The following TYW1B variants were observed in gnomAD, a reference collection of about 807,000 sequenced individuals.
TYW1B encodes the protein tRNA-yW synthesizing protein 1 homolog B, also known as S-adenosyl-L-methionine-dependent tRNA 4-demethylwyosine synthase TYW1B.
TYW1B carries 73 observed loss-of-function variants against 86.9 expected under a neutral mutation model. The ratio of observed to expected loss-of-function variants is 0.84; its 90% CI spans 0.70 to 1.02. The LOEUF is 1.02. Ranked by LOEUF, TYW1B falls within the 50% of genes least tolerant of loss-of-function variation. The probability of loss-of-function intolerance (pLI) is 0.00; values close to 1 mark genes in which losing one functional copy is unlikely to be tolerated. For missense variants in TYW1B, 637 were observed against 827.4 expected, an observed-to-expected ratio of 0.77 and a Z score of 2.82; for synonymous variants, 248 against 292.8, an observed-to-expected ratio of 0.85 and a Z score of 1.56.
In TYW1B at chr7:72,757,696, G is replaced by A. The variant is rs140755055; in HGVS notation, c.965-13095C>T. ...AAGAAAGCCCTGACAAACAGAGCTG[G>A]GGAAGGGCATGAAGAGAGGGCTATC... is the stretch of plus-strand genomic sequence containing the variant. On this transcript the variant is annotated intron_variant, in intron 7 of 13. Transcript: ENST00000620995. Among the ~76,000 whole-genome samples the A allele has an allele frequency of 3.4e-3, 522 of 152,254 alleles. 1 individual carries two copies. In the Middle Eastern group the frequency reaches 0.041, roughly 12 times the overall value.
chr7:72,631,794 T>C (rs1286768055), intron 11 of TYW1B, among the ~76,000 whole-genome samples: 1 of 152,102 alleles, frequency 6.6e-6, no homozygotes, highest in African/African-American at 2.4e-5. Flanking sequence ...GAGTTAAATG[T>C]GCACACAGGG....
At chr7:72,628,560 T>C (rs2844130) in intron 12 of TYW1B, among the ~76,000 whole-genome samples, 52 of 152,142 alleles carry the variant, frequency 3.4e-4, no homozygotes, top group Non-Finnish European at 5.9e-4. Flanking sequence ...TATGTAAAAG[T>C]CAACCAATTA....
At position 72,574,989 on chromosome 7, in the gene TYW1B, C is replaced by T. The variant is rs1810986040; in HGVS notation, c.*509G>A. ...AAATAATTGAGAGTTGTGACAACTT[C>T]GATTCTTTTCAGGAGGTGCTGTCTT... On this transcript the variant is annotated 3_prime_UTR_variant, in exon 14 of 14. Coordinates refer to ENST00000620995, the MANE Select transcript of TYW1B (RefSeq NM_001145440.3). 1.3e-5 allele frequency: 13 copies of T among 987,882 alleles called. No individual in the cohort carries two copies. Among genetic ancestry groups the T allele is most frequent in the South Asian group, 4.7e-5 (1 of 21,484 alleles). The allele number at this position is 987,882 out of a possible 1,614,324, so 61.2% of individuals were successfully genotyped here.
intron 13 of TYW1B, among the ~76,000 whole-genome samples, chr7:72,610,464 T>C (rs1246756024): frequency 1.1e-4 from 17 of 151,964 alleles, no homozygotes; most frequent in Non-Finnish European, 1.9e-4. Context: ...CAGGGAGTCA[T>C]GCCTGAACCT....
At chr7:72,614,342 CAG>C (rs1812014121) in intron 13 of TYW1B, among the ~76,000 whole-genome samples, 1 of 152,010 alleles carries the variant, frequency 6.6e-6, no homozygotes, top group South Asian at 2.1e-4. Flanking sequence ...ATCCATAAGA[CAG>C]AGGTCAGACT....
At chr7:72,820,431 C>T (rs1788807014) in intron 2 of TYW1B, among the ~76,000 whole-genome samples, 1 of 152,134 alleles carries the variant, frequency 6.6e-6, no homozygotes, top group South Asian at 2.1e-4. Context: ...GAAGTGCTAA[C>T]TATGTAAAGG....
At chr7:72,623,636 T>C (rs1302882189) in intron 12 of TYW1B, among the ~76,000 whole-genome samples, 3 of 152,100 alleles carry the variant, frequency 2.0e-5, no homozygotes, top group Non-Finnish European at 4.4e-5. Flanking sequence ...CAAGAGTGTC[T>C]CCCTTACAGC....
rs114615896 is a variant in TYW1B at position 72,734,673 on chromosome 7, T to A, written c.1083-5742A>T. 5.3e-3 allele frequency among the ~76,000 whole-genome samples: 810 copies of A among 152,306 alleles called. 10 individuals are homozygous for A. The highest frequency in any genetic ancestry group is 0.017 in the African/African-American group (715 of 41,570). ...CAATCAACAGGGTGAAGAGACAACCTGCAGAATGACAGAAGATATTTCCAA... is the reference window on the plus strand; with the variant it reads ...CAATCAACAGGGTGAAGAGACAACCAGCAGAATGACAGAAGATATTTCCAA... On this transcript the variant is annotated intron_variant, in intron 8 of 13. Transcript: ENST00000620995.
chr7:72,824,182 C>T (rs1409247020), intron 2 of TYW1B, among the ~76,000 whole-genome samples: 9 of 151,968 alleles, frequency 5.9e-5, no homozygotes, highest in African/African-American at 2.2e-4. Flanking sequence ...TACTATTCTG[C>T]GCAACTTCCA....
intron 10 of TYW1B, among the ~76,000 whole-genome samples, chr7:72,703,239 T>G (rs1280814394): frequency 1.3e-5 from 2 of 151,248 alleles, no homozygotes; most frequent in Non-Finnish European, 2.9e-5. Context: ...TTAGCCAGGA[T>G]AGTCTCGATC....
intron 2 of TYW1B, among the ~76,000 whole-genome samples, chr7:72,821,123 C>A (rs1554480399): frequency 6.6e-6 from 1 of 152,176 alleles, no homozygotes; most frequent in Non-Finnish European, 1.5e-5. Context: ...CAGGCATGTG[C>A]CACCACACCA....
chr7:72,715,835 C>T (rs1231931276), intron 9 of TYW1B, among the ~76,000 whole-genome samples: 3 of 152,094 alleles, frequency 2.0e-5, no homozygotes, highest in Non-Finnish European at 4.4e-5. Context: ...AACATATTCT[C>T]TCTGCAGGAT....
intron 11 of TYW1B, among the ~76,000 whole-genome samples, chr7:72,651,782 T>G (rs1585876818): frequency 6.6e-6 from 1 of 151,696 alleles, no homozygotes; most frequent in Non-Finnish European, 1.5e-5. Flanking sequence ...AACAGATACT[T>G]CAAAAAGAAC....
At chr7:72,713,134 A>AT (rs1157159083) in intron 10 of TYW1B, among the ~76,000 whole-genome samples, 7 of 97,232 alleles carry the variant, frequency 7.2e-5, no homozygotes, top group Non-Finnish European at 1.6e-4. Flanking sequence ...GCCCATCTCT[A>AT]TTAAAAAAAA....
At chr7:72,806,237 GTTT>G (rs71517373) in intron 5 of TYW1B, among the ~76,000 whole-genome samples, 4 of 129,234 alleles carry the variant, frequency 3.1e-5, no homozygotes, top group Non-Finnish European at 3.3e-5. Context: ...GTGTGTGTGG[GTTT>G]TTTTTTTTTT....
At chr7:72,592,902 T>C (rs1554431773) in intron 13 of TYW1B, among the ~76,000 whole-genome samples, 1 of 152,200 alleles carries the variant, frequency 6.6e-6, no homozygotes, top group Non-Finnish European at 1.5e-5. Context: ...ACAAAGCAGA[T>C]ACTGATATAA....
intron 9 of TYW1B, among the ~76,000 whole-genome samples, chr7:72,723,839 AAGTACTAAAATTCT>A (rs1786949182): frequency 6.6e-6 from 1 of 152,026 alleles, no homozygotes; most frequent in African/African-American, 2.4e-5. Context: ...CAATATTCTG[AAGTACTAAAATTCT>A]ATAATGCTGT....
chr7:72,583,534 C>T (rs1811206604), intron 13 of TYW1B, among the ~76,000 whole-genome samples: 1 of 152,138 alleles, frequency 6.6e-6, no homozygotes, highest in Non-Finnish European at 1.5e-5. Context: ...CAAGGAAATG[C>T]TGTTTTTTGT....
At position 72,574,834 on chromosome 7, in the gene TYW1B, C is replaced by T. The variant is rs1482079656; in HGVS notation, c.*664G>A. The T allele has an allele frequency of 6.1e-6, 6 of 985,374 alleles. No homozygotes were observed. In the African/African-American group the frequency reaches 7.0e-5, roughly 11 times the overall value. The allele number at this position is 985,374 out of a possible 1,614,324, so 61.0% of individuals were successfully genotyped here. On this transcript the variant is annotated 3_prime_UTR_variant, in exon 14 of 14. Coordinates refer to ENST00000620995, the MANE Select transcript of TYW1B (RefSeq NM_001145440.3). ...CCTCTTACAGCAGACAGCTTCACTCCGCTCCAGCCCCGGTACTGCGGTCTG... is the reference window on the plus strand; with the variant it reads ...CCTCTTACAGCAGACAGCTTCACTCTGCTCCAGCCCCGGTACTGCGGTCTG...
Sources: allele counts gnomAD v4.1 joint callset (sites outside exome capture counted in the v4.1 genomes callset), GRCh38; gene constraint gnomAD v4.1.1; transcripts MANE v1.5; gene names NCBI Gene and HGNC (gene_info 2026-07-23, HGNC 2026-07-21).